LIN28B: variants seen among roughly 807,000 people sequenced by gnomAD.
LIN28B encodes the protein protein lin-28 homolog B.
A neutral mutation model predicts 21.9 loss-of-function variants in LIN28B; 5 were observed. The observed-to-expected ratio is 0.23, with a 90% CI of 0.12 to 0.48. The LOEUF (loss-of-function observed/expected upper bound fraction) is 0.48, where lower values mean the gene tolerates loss of function less well. LIN28B is among the 20% of genes least tolerant of loss of function. The pLI is 0.98. For synonymous variants in LIN28B, 109 were observed against 111.3 expected, an observed-to-expected ratio of 0.98 and a Z score of 0.13; for missense variants, 245 against 310.5, an observed-to-expected ratio of 0.79 and a Z score of 1.58.
At chr6:105,058,133 C>G (rs1294833882) in intron 3 of LIN28B, 1 of 381,890 alleles carries the variant, frequency 2.6e-6, no homozygotes, top group African/African-American at 2.2e-5. Flanking sequence ...TTTATTTTAT[C>G]ATGTTCCTAG....
At chr6:104,964,655 T>A (rs1769820484) in intron 2 of LIN28B, among the ~76,000 whole-genome samples, 1 of 152,152 alleles carries the variant, frequency 6.6e-6, no homozygotes, top group African/African-American at 2.4e-5. Context: ...ATCATAAAAG[T>A]TGATAACAGT....
At chr6:105,066,877 A>T (rs1293845722) in intron 3 of LIN28B, among the ~76,000 whole-genome samples, 1 of 152,128 alleles carries the variant, frequency 6.6e-6, no homozygotes, top group African/African-American at 2.4e-5. Flanking sequence ...ATTAATAGAT[A>T]AAAAGAATGC....
intron 2 of LIN28B, among the ~76,000 whole-genome samples, chr6:104,965,090 T>C (rs951023551): frequency 2.0e-5 from 3 of 152,100 alleles, no homozygotes; most frequent in African/African-American, 7.2e-5. Context: ...TGTATACTCA[T>C]GGTGGATAAT....
chr6:104,973,110 C>T (rs79100432), intron 2 of LIN28B, among the ~76,000 whole-genome samples: 1 of 105,846 alleles, frequency 9.4e-6, no homozygotes, highest in Non-Finnish European at 2.0e-5. Context: ...CACTCTGTCT[C>T]AAAAAAAAAA....
intron 2 of LIN28B, among the ~76,000 whole-genome samples, chr6:105,025,058 C>G (rs979899595): frequency 6.6e-6 from 1 of 151,250 alleles, no homozygotes; most frequent in East Asian, 2.0e-4. Context: ...TACTTGACCA[C>G]AAAACCTTTT....
intron 3 of LIN28B, among the ~76,000 whole-genome samples, chr6:105,062,952 G>A (rs747860403): frequency 7.9e-5 from 12 of 151,522 alleles, no homozygotes; most frequent in Non-Finnish European, 1.6e-4. Flanking sequence ...TCTTATGTAT[G>A]GTTTCTTATG....
intron 2 of LIN28B, among the ~76,000 whole-genome samples, chr6:105,009,043 T>C (rs1052653213): frequency 2.0e-5 from 3 of 152,242 alleles, no homozygotes; most frequent in African/African-American, 4.8e-5. Context: ...ACTTTAGAAC[T>C]AACTACTCTT....
At position 105,063,425 on chromosome 6, in the gene LIN28B, C is replaced by G. The variant is rs559279670; in HGVS notation, c.384-14989C>G. Among the ~76,000 whole-genome samples, 107 of 152,250 alleles carry G rather than the reference C, an allele frequency of 7.0e-4. 1 individual carries two copies. In the South Asian group the frequency reaches 0.011, roughly 16 times the overall value. On this transcript the variant is annotated intron_variant, in intron 3 of 3. Coordinates refer to ENST00000345080, the MANE Select transcript of LIN28B (RefSeq NM_001004317.4). ...CCGAGAAGGGCGGATCACTTGAGGT[C>G]AGGAGTTCAAGACCAGCCTGGCCAA... is the stretch of plus-strand genomic sequence containing the variant.
At chr6:105,077,042 C>T (rs1363905354) in intron 3 of LIN28B, among the ~76,000 whole-genome samples, 1 of 151,772 alleles carries the variant, frequency 6.6e-6, no homozygotes, top group East Asian at 2.0e-4. Flanking sequence ...CCAGCCTGGC[C>T]AACATGGTGA....
Position 104,957,193 on chromosome 6 carries a change from C to T in LIN28B, c.-58C>T. The T allele has an allele frequency of 1.2e-6, 2 of 1,613,790 alleles. No homozygotes were observed. The highest frequency in any genetic ancestry group is 8.5e-7 in the Non-Finnish European group (1 of 1,179,774). ...GTTAGATTGATGCAGAAGATCACTC[C>T]GTTCCAAAGGGAAAGTTTTCATCTC... is the stretch of plus-strand genomic sequence containing the variant. On this transcript the variant is annotated 5_prime_UTR_variant, in exon 1 of 4. Coordinates refer to ENST00000345080, the MANE Select transcript of LIN28B (RefSeq NM_001004317.4).
At chr6:104,945,255 A>C (rs1025749127) in intron 2 of LIN28B, among the ~76,000 whole-genome samples, 1 of 152,068 alleles carries the variant, frequency 6.6e-6, no homozygotes, top group Non-Finnish European at 1.5e-5. Flanking sequence ...TTGCTATTAC[A>C]TTTATTACAT....
At chr6:104,945,168 A>G (rs1328546612) in intron 2 of LIN28B, among the ~76,000 whole-genome samples, 2 of 152,110 alleles carry the variant, frequency 1.3e-5, no homozygotes, top group East Asian at 3.8e-4. Flanking sequence ...TTTTAGAAAA[A>G]ATCTGTAAAT....
intron 3 of LIN28B, among the ~76,000 whole-genome samples, chr6:105,065,029 G>T (rs1333103299): frequency 6.6e-6 from 1 of 152,140 alleles, no homozygotes; most frequent in East Asian, 1.9e-4. Flanking sequence ...AAACAATCTG[G>T]TTCTATCTGG....
chr6:104,977,112 T>C (rs1770114589), intron 2 of LIN28B, among the ~76,000 whole-genome samples: 1 of 152,082 alleles, frequency 6.6e-6, no homozygotes, highest in Non-Finnish European at 1.5e-5. Context: ...ATGTATAATC[T>C]TGTACTCCGA....
chr6:105,069,336 A>G (rs929736839), intron 3 of LIN28B, among the ~76,000 whole-genome samples: 1 of 152,246 alleles, frequency 6.6e-6, no homozygotes, highest in Non-Finnish European at 1.5e-5. Flanking sequence ...GATGTAGGCA[A>G]TAGAAGATGG....
At chr6:105,066,616 C>G (rs1772225169) in intron 3 of LIN28B, among the ~76,000 whole-genome samples, 1 of 152,092 alleles carries the variant, frequency 6.6e-6, no homozygotes, top group Non-Finnish European at 1.5e-5. Context: ...GAGCTAGTCA[C>G]TATTTTATAG....
intron 2 of LIN28B, among the ~76,000 whole-genome samples, chr6:104,968,782 ACTTAG>A (rs1027169678): frequency 7.9e-5 from 12 of 152,246 alleles, no homozygotes; most frequent in African/African-American, 2.9e-4. Context: ...AATTATTTTA[ACTTAG>A]CTTATTTTTT....
upstream of LIN28B, chr6:104,956,910 T>C (rs910637169): frequency 1.0e-5 from 4 of 385,320 alleles, no homozygotes; most frequent in Non-Finnish European, 1.8e-5. Context: ...AAATTGTCTT[T>C]AAGATAACAT....
intron 2 of LIN28B, among the ~76,000 whole-genome samples, chr6:104,967,963 T>C (rs901459996): frequency 2.0e-5 from 3 of 152,170 alleles, no homozygotes; most frequent in Non-Finnish European, 4.4e-5. Flanking sequence ...CCTCCTTAAG[T>C]GCTGGGATTA....
Sources: gnomAD v4.1 joint callset for allele counts (sites outside exome capture counted in the v4.1 genomes callset) on GRCh38, gnomAD v4.1.1 for gene constraint, MANE v1.5 for transcripts, NCBI Gene and HGNC (gene_info 2026-07-23, HGNC 2026-07-21) for gene names.